The following TYW1B variants were observed in gnomAD, a reference collection of about 807,000 sequenced individuals.
The protein encoded by TYW1B is S-adenosyl-L-methionine-dependent tRNA 4-demethylwyosine synthase TYW1B.
In TYW1B, 73 loss-of-function variants were observed where a neutral mutation model predicts 86.9. That is an observed-to-expected ratio of 0.84 (90% CI 0.70 to 1.02). TYW1B has a LOEUF of 1.02. TYW1B is among the 50% of genes least tolerant of loss of function. The pLI is 0.00. For missense variants in TYW1B, 637 were observed against 827.4 expected (o/e 0.77, Z 2.82); for synonymous variants, 248 against 292.8 (o/e 0.85, Z 1.56).
intron 13 of TYW1B, among the ~76,000 whole-genome samples, chr7:72,585,013 T>G (rs1376438991): frequency 6.6e-6 from 1 of 152,178 alleles, no homozygotes; most frequent in Non-Finnish European, 1.5e-5. Context: ...ACTGCCACAG[T>G]GAAGTATATT....
In TYW1B at chr7:72,608,108, C is replaced by T. The variant is rs535783491; in HGVS notation, c.1785+8564G>A. Among the ~76,000 whole-genome samples, 4 of 152,292 alleles carry T rather than the reference C, an allele frequency of 2.6e-5. No homozygotes were observed. In the South Asian group the frequency reaches 8.3e-4, roughly 32 times the overall value. ...ATATCCTTCAGGAATGGAGAGGAAA[C>T]CAAGACAGTGGCAGATGAAGGAAAA... On this transcript the variant is annotated intron_variant, in intron 13 of 13. Transcript: ENST00000620995.
intron 8 of TYW1B, among the ~76,000 whole-genome samples, chr7:72,738,721 T>C (rs183007124): frequency 1.3e-4 from 20 of 152,206 alleles, no homozygotes; most frequent in Non-Finnish European, 1.9e-4. Context: ...GAGATACTTT[T>C]AGTGTTTTGT....
chr7:72,611,940 T>G (rs1171380029), intron 13 of TYW1B, among the ~76,000 whole-genome samples: 4 of 152,172 alleles, frequency 2.6e-5, no homozygotes, highest in African/African-American at 9.6e-5. Context: ...AACTATTTAT[T>G]AACTGCCTAC....
chr7:72,716,693 C>A (rs544801189), intron 9 of TYW1B, among the ~76,000 whole-genome samples: 1 of 152,026 alleles, frequency 6.6e-6, no homozygotes, highest in African/African-American at 2.4e-5. Context: ...GGCAGGAGTG[C>A]AATGGCATGA....
chr7:72,804,992 C>T (rs1554476383), intron 5 of TYW1B, among the ~76,000 whole-genome samples: 1 of 152,032 alleles, frequency 6.6e-6, no homozygotes, highest in Non-Finnish European at 1.5e-5. Flanking sequence ...GTCTTCACAT[C>T]AAATCAAATC....
chr7:72,677,224 C>T (rs1813756566), intron 11 of TYW1B, among the ~76,000 whole-genome samples: 1 of 152,124 alleles, frequency 6.6e-6, no homozygotes, highest in Non-Finnish European at 1.5e-5. Flanking sequence ...TCATAGCTCA[C>T]TGCAGCCTCG....
At chr7:72,806,241 T>G (rs1234463854) in intron 5 of TYW1B, among the ~76,000 whole-genome samples, 101 of 150,806 alleles carry the variant, frequency 6.7e-4, no homozygotes, top group Non-Finnish European at 1.2e-4. Flanking sequence ...GTGTGGGTTT[T>G]TTTTTTTTTT....
chr7:72,664,514 A>G lies in TYW1B; in HGVS notation c.1506+30173T>C, dbSNP rs187927922. Among the ~76,000 whole-genome samples the G allele has an allele frequency of 6.9e-4, 105 of 152,268 alleles. 1 individual carries two copies. Among genetic ancestry groups the G allele is most frequent in the Admixed American group, 5.4e-3 (83 of 15,276 alleles). The stretch of plus-strand genomic sequence containing the variant: ...CTAACACAGGAATGGAAAACCAAAT[A>G]CCACATGCTCTCACTTATAAGTGGG... On this transcript the variant is annotated intron_variant, in intron 11 of 13. Coordinates refer to ENST00000620995, the MANE Select transcript of TYW1B (RefSeq NM_001145440.3).
At chr7:72,765,013 A>G (rs1233591625) in intron 7 of TYW1B, among the ~76,000 whole-genome samples, 4 of 152,160 alleles carry the variant, frequency 2.6e-5, no homozygotes, top group African/African-American at 4.8e-5. Flanking sequence ...TATAAATTCA[A>G]TAAAAATCTG....
chr7:72,793,957 C>G (rs1298540925), intron 6 of TYW1B, among the ~76,000 whole-genome samples: 4 of 152,122 alleles, frequency 2.6e-5, no homozygotes, highest in African/African-American at 9.7e-5. Flanking sequence ...GCCAATCCAG[C>G]CTCTCAAAGA....
chr7:72,721,352 C>G (rs1309293980), intron 9 of TYW1B, among the ~76,000 whole-genome samples: 1 of 152,204 alleles, frequency 6.6e-6, no homozygotes, highest in African/African-American at 2.4e-5. Flanking sequence ...AACTAGTTTA[C>G]AGTCCCATCA....
chr7:72,631,640 T>C (rs1812494388), intron 11 of TYW1B, among the ~76,000 whole-genome samples: 2 of 152,176 alleles, frequency 1.3e-5, no homozygotes, highest in Non-Finnish European at 2.9e-5. Context: ...TAAGAATTAC[T>C]GGAGAATATA....
intron 13 of TYW1B, among the ~76,000 whole-genome samples, chr7:72,577,595 G>A (rs566623044): frequency 2.6e-5 from 4 of 152,118 alleles, no homozygotes; most frequent in African/African-American, 7.2e-5. Context: ...ATTCTCCCTG[G>A]GCAGCACTTC....
chr7:72,640,170 G>A (rs1812769471), intron 11 of TYW1B, among the ~76,000 whole-genome samples: 1 of 151,906 alleles, frequency 6.6e-6, no homozygotes, highest in South Asian at 2.1e-4. Flanking sequence ...CAAAAAAATA[G>A]AGAAAAAGAC....
At chr7:72,794,846 C>G (rs1788279640) in intron 6 of TYW1B, among the ~76,000 whole-genome samples, 1 of 149,588 alleles carries the variant, frequency 6.7e-6, no homozygotes, top group African/African-American at 2.5e-5. Flanking sequence ...GAGACAGGGT[C>G]TAACTCCCGT....
At chr7:72,741,973 G>A (rs569129074) in intron 8 of TYW1B, among the ~76,000 whole-genome samples, 10 of 152,238 alleles carry the variant, frequency 6.6e-5, no homozygotes, top group South Asian at 2.1e-4. Context: ...CCTGCCCTAC[G>A]ATAAATGCTA....
chr7:72,803,903 C>T (rs1484490033), intron 5 of TYW1B, among the ~76,000 whole-genome samples: 38 of 152,030 alleles, frequency 2.5e-4, no homozygotes, highest in Admixed American at 8.5e-4. Context: ...TGTGAGCCAC[C>T]GTGCCCAGCT....
At chr7:72,758,097 G>A (rs1273605443) in intron 7 of TYW1B, among the ~76,000 whole-genome samples, 1 of 152,120 alleles carries the variant, frequency 6.6e-6, no homozygotes. Context: ...GCGTGCGCCT[G>A]TAATCCCAGT....
chr7:72,671,996 A>G (rs1476212485), intron 11 of TYW1B, among the ~76,000 whole-genome samples: 1 of 97,734 alleles, frequency 1.0e-5, no homozygotes, highest in Non-Finnish European at 2.2e-5. Flanking sequence ...GTCCCCACCC[A>G]AATCTCATCT....
Sources: allele counts gnomAD v4.1 joint callset (sites outside exome capture counted in the v4.1 genomes callset), GRCh38; gene constraint gnomAD v4.1.1; transcripts MANE v1.5; gene names NCBI Gene and HGNC (gene_info 2026-07-23, HGNC 2026-07-21).